The following PTPN13 variants were observed in gnomAD, a reference collection of about 807,000 sequenced individuals.
PTPN13 encodes tyrosine-protein phosphatase non-receptor type 13.
A neutral mutation model predicts 284.0 loss-of-function variants in PTPN13; 191 were observed. The observed-to-expected ratio is 0.67, with a 90% CI of 0.60 to 0.76. PTPN13 has a LOEUF of 0.76. PTPN13 is among the 30% of genes least tolerant of loss of function. The probability of loss-of-function intolerance (pLI) is 0.00; values close to 1 mark genes in which losing one functional copy is unlikely to be tolerated. For synonymous variants in PTPN13, 986 were observed against 1,022.3 expected, an observed-to-expected ratio of 0.96 and a Z score of 0.68; for missense variants, 2,797 against 2,939.9, an observed-to-expected ratio of 0.95 and a Z score of 1.12.
chr4:86,794,955 A>T (rs185849257), intron 40 of PTPN13, among the ~76,000 whole-genome samples: 3 of 152,314 alleles, frequency 2.0e-5, no homozygotes, highest in East Asian at 3.9e-4. Flanking sequence ...GTAGAAGAAA[A>T]CCTAGGTGGT....
chr4:86,708,848 G>A (rs1732055893), intron 7 of PTPN13, among the ~76,000 whole-genome samples: 1 of 151,814 alleles, frequency 6.6e-6, no homozygotes, highest in African/African-American at 2.4e-5. Context: ...TCATACTTAA[G>A]GTTCCCCATG....
intron 2 of PTPN13, among the ~76,000 whole-genome samples, chr4:86,663,863 GC>G (rs1339087126): frequency 6.6e-6 from 1 of 152,080 alleles, no homozygotes; most frequent in Admixed American, 6.6e-5. Flanking sequence ...CTTACTTACA[GC>G]TTTGTAAGCT....
At chr4:86,778,445 C>T (rs762614294) in intron 35 of PTPN13, among the ~76,000 whole-genome samples, 1 of 152,032 alleles carries the variant, frequency 6.6e-6, no homozygotes, top group South Asian at 2.1e-4. Flanking sequence ...ATGTATGTGA[C>T]GCACCTCCCC....
chr4:86,792,361 A>T (rs1742788331), intron 40 of PTPN13, among the ~76,000 whole-genome samples: 3 of 152,254 alleles, frequency 2.0e-5, no homozygotes, highest in Admixed American at 2.0e-4. Flanking sequence ...GGACTGTGTG[A>T]AAAGACCAAA....
intron 32 of PTPN13, 135 bp downstream of exon 32, chr4:86,773,093 T>C (rs1406339608): frequency 3.1e-6 from 2 of 642,472 alleles, no homozygotes; most frequent in Non-Finnish European, 5.0e-6. Context: ...ATAACATATC[T>C]GGTATGTTTC....
chr4:86,708,747 C>T (rs988853776), intron 7 of PTPN13, among the ~76,000 whole-genome samples: 2 of 152,024 alleles, frequency 1.3e-5, no homozygotes, highest in Non-Finnish European at 2.9e-5. Flanking sequence ...GTCTCTCTGC[C>T]GTGCAAGTTT....
intron 1 of PTPN13, among the ~76,000 whole-genome samples, chr4:86,622,053 C>T (rs1261205005): frequency 6.6e-6 from 1 of 152,158 alleles, no homozygotes; most frequent in East Asian, 1.9e-4. Flanking sequence ...TTGCTAAAAA[C>T]TTCTCTGCTT....
At chr4:86,712,612 C>A (rs886874807) in intron 7 of PTPN13, among the ~76,000 whole-genome samples, 1 of 151,990 alleles carries the variant, frequency 6.6e-6, no homozygotes, top group Non-Finnish European at 1.5e-5. Flanking sequence ...AGAAAAAAGT[C>A]TTTCTACCCC....
intron 27 of PTPN13, 66 bp downstream of exon 27, chr4:86,766,583 C>A: frequency 1.7e-6 from 2 of 1,148,378 alleles, no homozygotes; most frequent in Non-Finnish European, 2.4e-6. Context: ...TGAATAACAT[C>A]AGTTCTCATT....
chr4:86,654,494 C>T (rs1180749369), intron 2 of PTPN13, among the ~76,000 whole-genome samples: 6 of 152,138 alleles, frequency 3.9e-5, no homozygotes, highest in African/African-American at 7.2e-5. Flanking sequence ...GCCTTCATTT[C>T]GTTATGTACC....
intron 15 of PTPN13, among the ~76,000 whole-genome samples, chr4:86,739,933 G>A (rs905784438): frequency 3.9e-5 from 6 of 152,188 alleles, no homozygotes; most frequent in African/African-American, 1.4e-4. Context: ...CCTTAAAGCT[G>A]CAAAATGATC....
chr4:86,698,445 A>G (rs1305363213), intron 6 of PTPN13, among the ~76,000 whole-genome samples: 6 of 152,176 alleles, frequency 3.9e-5, no homozygotes, highest in East Asian at 3.8e-4. Context: ...AAGCATATCA[A>G]TTGGGAGTTG....
intron 1 of PTPN13, among the ~76,000 whole-genome samples, chr4:86,605,818 G>C (rs1221852251): frequency 6.6e-6 from 1 of 151,744 alleles, no homozygotes; most frequent in Non-Finnish European, 1.5e-5. Flanking sequence ...TTTGGGTAGT[G>C]GTGAAAATAA....
rs1213101765 is a variant in PTPN13 at position 86,650,123 on chromosome 4, A to C, written c.115+14752A>C. Among the ~76,000 whole-genome samples the C allele has an allele frequency of 2.0e-5, 3 of 149,166 alleles. No individual in the cohort carries two copies. In the East Asian group the frequency reaches 6.1e-4, roughly 30 times the overall value. ...TGCCTCAGCCTTCCAAGTAGCTGGG[A>C]TTGCAGGTGCCCACCACCACACCCG... On this transcript the variant is annotated intron_variant, in intron 2 of 47. Transcript: ENST00000411767.
chr4:86,812,227 G>A (rs934031826), intron 47 of PTPN13, among the ~76,000 whole-genome samples: 60 of 146,912 alleles, frequency 4.1e-4, no homozygotes, highest in African/African-American at 1.2e-3. Flanking sequence ...GGAGAATGGC[G>A]TGAACCCGGG....
intron 1 of PTPN13, among the ~76,000 whole-genome samples, chr4:86,614,547 G>A (rs1201329522): frequency 6.6e-6 from 1 of 151,986 alleles, no homozygotes; most frequent in African/African-American, 2.4e-5. Flanking sequence ...TAAACAAATA[G>A]CCAATTCATG....
At chr4:86,616,485 C>T (rs1393713920) in intron 1 of PTPN13, among the ~76,000 whole-genome samples, 1 of 148,108 alleles carries the variant, frequency 6.8e-6, no homozygotes, top group Non-Finnish European at 1.5e-5. Flanking sequence ...CTCATCCTGA[C>T]ATGTAATCCC....
At chr4:86,747,119 A>G (rs974132885) in intron 17 of PTPN13, among the ~76,000 whole-genome samples, 12 of 152,376 alleles carry the variant, frequency 7.9e-5, no homozygotes, top group African/African-American at 2.6e-4. Flanking sequence ...TATAGTGAAC[A>G]GAATCAGAAG....
chr4:86,729,326 G>C (rs1734681083), intron 10 of PTPN13, among the ~76,000 whole-genome samples: 1 of 149,112 alleles, frequency 6.7e-6, no homozygotes, highest in Non-Finnish European at 1.5e-5. Context: ...TCTTGGGATT[G>C]TTCTTCTCAA....
Sources: gnomAD v4.1 joint callset for allele counts (sites outside exome capture counted in the v4.1 genomes callset) on GRCh38, gnomAD v4.1.1 for gene constraint, MANE v1.5 for transcripts, NCBI Gene and HGNC (gene_info 2026-07-23, HGNC 2026-07-21) for gene names.